TENM3: variants seen among roughly 807,000 people sequenced by gnomAD.
TENM3 encodes teneurin-3.
Under a neutral mutation model 255.1 loss-of-function variants are expected in TENM3, and 63 were observed. The observed-to-expected ratio is 0.25, with a 90% CI of 0.20 to 0.30. TENM3 has a LOEUF of 0.30. Among genes scored for constraint, TENM3 ranks in the 10% least tolerant of loss-of-function variants. TENM3 has a pLI of 1.00. For missense variants in TENM3, 2,929 were observed against 3,461.1 expected, an observed-to-expected ratio of 0.85 and a Z score of 3.86; for synonymous variants, 1,306 against 1,322.3, an observed-to-expected ratio of 0.99 and a Z score of 0.27.
At chr4:182,562,985 CA>C in intron 3 of TENM3, among the ~76,000 whole-genome samples, 1 of 152,172 alleles carries the variant, frequency 6.6e-6, no homozygotes, top group Non-Finnish European at 1.5e-5. Flanking sequence ...TCTGCTTTAA[CA>C]ACTTTTTTTT....
chr4:181,577,309 G>C, the TENM3 span, among the ~76,000 whole-genome samples: 1 of 149,270 alleles, frequency 6.7e-6, no homozygotes, highest in African/African-American at 2.5e-5. Flanking sequence ...CCAAAGTGCC[G>C]GGATTACAGG....
chr4:181,586,781 G>A, the TENM3 span, among the ~76,000 whole-genome samples: 182 of 152,128 alleles, frequency 1.2e-3, no homozygotes, highest in African/African-American at 4.1e-3. Context: ...CAGAGGTTGC[G>A]GTGAGCTGAG....
chr4:182,597,942 G>A (rs889633964), intron 3 of TENM3, among the ~76,000 whole-genome samples: 3 of 152,188 alleles, frequency 2.0e-5, no homozygotes, highest in Non-Finnish European at 2.9e-5. Flanking sequence ...CACCTTCAGA[G>A]GCCAAGGCTG....
chr4:182,202,987 G>C (rs1561193355), intron 1 of TENM3, among the ~76,000 whole-genome samples: 1 of 151,918 alleles, frequency 6.6e-6, no homozygotes, highest in Non-Finnish European at 1.5e-5. Context: ...AGGCCGGGGC[G>C]GGTGGGTCAC....
chr4:182,190,536 A>T (rs1008611341), intron 1 of TENM3, among the ~76,000 whole-genome samples: 1 of 152,218 alleles, frequency 6.6e-6, no homozygotes, highest in African/African-American at 2.4e-5. Context: ...TTACAGGACG[A>T]CGGAAGCCAG....
intron 12 of TENM3, among the ~76,000 whole-genome samples, chr4:182,696,949 G>T (rs552853030): frequency 7.5e-6 from 1 of 133,222 alleles, no homozygotes; most frequent in Admixed American, 7.5e-5. Flanking sequence ...ATATCTGTAT[G>T]ATCTTGGGAA....
chr4:182,185,497 A>G (rs1045222195), intron 1 of TENM3, among the ~76,000 whole-genome samples: 1 of 152,132 alleles, frequency 6.6e-6, no homozygotes, highest in Non-Finnish European at 1.5e-5. Flanking sequence ...ACTAAAAAAG[A>G]AAAAAAACTT....
the TENM3 span, among the ~76,000 whole-genome samples, chr4:182,095,789 T>A: frequency 6.6e-6 from 1 of 152,164 alleles, no homozygotes; most frequent in African/African-American, 2.4e-5. Flanking sequence ...CCTAATTTGA[T>A]CATTACCTGG....
rs115218703 is a variant in TENM3, at chr4:182,416,186, C to T, written c.511+69257C>T. On this transcript the variant is annotated intron_variant, in intron 3 of 27. Transcript: ENST00000511685. ...CTTTATTCTCATTGATGTCTCCATC[C>T]GCATATCCATAATATGTTTTTATTT... Among the ~76,000 whole-genome samples, 307 of 152,082 alleles carry T rather than the reference C, an allele frequency of 2.0e-3. 1 individual carries two copies. Among genetic ancestry groups the T allele is most frequent in the African/African-American group, 7.1e-3 (294 of 41,492 alleles).
At chr4:182,129,153 C>G in the TENM3 span, among the ~76,000 whole-genome samples, 1 of 152,176 alleles carries the variant, frequency 6.6e-6, no homozygotes, top group Non-Finnish European at 1.5e-5. Flanking sequence ...TTTAAATTCA[C>G]ATAATATCAT....
chr4:182,447,995 G>GT (rs1773069193), intron 3 of TENM3, among the ~76,000 whole-genome samples: 1 of 152,206 alleles, frequency 6.6e-6, no homozygotes, highest in South Asian at 2.1e-4. Context: ...CAATGTTGAA[G>GT]TATGTTTTAT....
At chr4:182,532,843 T>A (rs1266724897) in intron 3 of TENM3, among the ~76,000 whole-genome samples, 2 of 152,222 alleles carry the variant, frequency 1.3e-5, no homozygotes, top group Non-Finnish European at 2.9e-5. Flanking sequence ...TAATAGACCT[T>A]ATAAGCTCAA....
chr4:182,504,456 TAA>T (rs10548865), intron 3 of TENM3, among the ~76,000 whole-genome samples: 134,421 of 152,100 alleles, frequency 0.88, 59,553 homozygotes, highest in East Asian at 0.95. Context: ...AAGTCCTCTG[TAA>T]AAGTGTTGGA....
chr4:181,840,484 TA>T, the TENM3 span, among the ~76,000 whole-genome samples: 1 of 152,148 alleles, frequency 6.6e-6, no homozygotes, highest in Non-Finnish European at 1.5e-5. Context: ...TACTCTAAAC[TA>T]AATACTATTT....
chr4:182,743,475 A>C, intron 19 of TENM3, 56 bp downstream of exon 19: 1 of 1,583,386 alleles, frequency 6.3e-7, no homozygotes, highest in Non-Finnish European at 8.7e-7. Context: ...CTCTTTAAAA[A>C]AAAGGTTGAG....
chr4:181,957,219 G>A, the TENM3 span, among the ~76,000 whole-genome samples: 8 of 152,146 alleles, frequency 5.3e-5, no homozygotes, highest in East Asian at 3.9e-4. Flanking sequence ...TTTGTCTCTC[G>A]GCCATAGAGC....
chr4:182,331,173 CA>C (rs1763729259), intron 2 of TENM3, among the ~76,000 whole-genome samples: 1 of 152,100 alleles, frequency 6.6e-6, no homozygotes, highest in South Asian at 2.1e-4. Context: ...AAAAAGGCAA[CA>C]GGAAAAATCA....
chr4:181,734,541 A>G, the TENM3 span, among the ~76,000 whole-genome samples: 1 of 152,152 alleles, frequency 6.6e-6, no homozygotes, highest in Non-Finnish European at 1.5e-5. Context: ...ATATGTATAT[A>G]TGACCAAATT....
intron 3 of TENM3, among the ~76,000 whole-genome samples, chr4:182,487,633 T>C (rs1345002941): frequency 6.6e-6 from 1 of 152,128 alleles, no homozygotes; most frequent in Non-Finnish European, 1.5e-5. Context: ...TGCAGTTTAA[T>C]AAGTGCCCTT....
Sources: gnomAD v4.1 joint callset for allele counts (sites outside exome capture counted in the v4.1 genomes callset) on GRCh38, gnomAD v4.1.1 for gene constraint, MANE v1.5 for transcripts, NCBI Gene and HGNC (gene_info 2026-07-23, HGNC 2026-07-21) for gene names.